Variants in IGF1 observed in about 807,000 individuals in gnomAD.
The protein encoded by IGF1 is insulin-like growth factor 1.
A neutral mutation model predicts 13.8 loss-of-function variants in IGF1; 4 were observed. The observed-to-expected ratio is 0.29, with a 90% CI of 0.14 to 0.66. The LOEUF (loss-of-function observed/expected upper bound fraction) is 0.66, where lower values mean the gene tolerates loss of function less well. Among genes scored for constraint, IGF1 ranks in the 30% least tolerant of loss-of-function variants. The probability of loss-of-function intolerance (pLI) is 0.78; values close to 1 mark genes in which losing one functional copy is unlikely to be tolerated. For synonymous variants in IGF1, 76 were observed against 72.6 expected (o/e 1.05, Z -0.23); for missense variants, 124 against 188.5 (o/e 0.66, Z 2.00).
intron 3 of IGF1, among the ~76,000 whole-genome samples, chr12:102,414,836 A>G (rs1874947640): frequency 6.6e-6 from 1 of 152,214 alleles, no homozygotes; most frequent in African/African-American, 2.4e-5. Flanking sequence ...ATTTTATTTC[A>G]GGATGATTAT....
chr12:102,452,934 G>A (rs886207371), intron 2 of IGF1, among the ~76,000 whole-genome samples: 3 of 152,032 alleles, frequency 2.0e-5, no homozygotes, highest in African/African-American at 7.2e-5. Flanking sequence ...TTAGCAACAC[G>A]TTGCACCCTG....
intron 3 of IGF1, among the ~76,000 whole-genome samples, chr12:102,412,203 T>G (rs1031700867): frequency 6.6e-6 from 1 of 152,182 alleles, no homozygotes; most frequent in Admixed American, 6.5e-5. Context: ...TAATTTTTAA[T>G]TTAGGATGAG....
chr12:102,415,572 T>TTCCA (rs1234743125), intron 3 of IGF1: 1 of 139,252 alleles, frequency 7.2e-6, no homozygotes, highest in Non-Finnish European at 1.6e-5. Flanking sequence ...CCTTCCTTCC[T>TTCCA]TCCTTCCTTC....
chr12:102,401,985 A>G lies in IGF1; in HGVS notation c.*522T>C, dbSNP rs1432452847. ...TTGCTGCTGCTTTTGAGGAGGCCAA[A>G]TTCGGCAAATATAAAGGTTATGAAG... is the stretch of plus-strand genomic sequence containing the variant. On this transcript the variant is annotated 3_prime_UTR_variant, in exon 4 of 4. Coordinates refer to ENST00000337514, the MANE Select transcript of IGF1 (RefSeq NM_000618.5). 1 of 152,692 alleles carries G rather than the reference A, an allele frequency of 6.5e-6. No homozygotes were observed. The highest frequency in any genetic ancestry group is 1.5e-5 in the Non-Finnish European group (1 of 68,092). 9.5% of individuals were successfully genotyped at this position (152,692 alleles called of 1,614,324 possible). A position where few individuals can be genotyped will look rare whatever the true frequency, so the allele number is the denominator to read the frequency against.
At chr12:102,441,957 T>TCTTCTTCTTCTTCTTCTTCTTCTTC (rs71438463) in intron 2 of IGF1, among the ~76,000 whole-genome samples, 55 of 134,656 alleles carry the variant, frequency 4.1e-4, no homozygotes, top group East Asian at 1.1e-3. Flanking sequence ...TTCTTCTTCT[T>TCTTCTTCTTCTTCTTCTTCTTCTTC]TTTTTTTTTT....
chr12:102,454,030 A>G (rs1008116041), intron 2 of IGF1, among the ~76,000 whole-genome samples: 4 of 152,172 alleles, frequency 2.6e-5, no homozygotes, highest in African/African-American at 9.7e-5. Flanking sequence ...AGATGTGCCA[A>G]CCTATCTTTC....
intron 2 of IGF1, among the ~76,000 whole-genome samples, chr12:102,441,062 C>G (rs1313506916): frequency 6.6e-6 from 1 of 152,130 alleles, no homozygotes; most frequent in Non-Finnish European, 1.5e-5. Flanking sequence ...AGGAAATCTC[C>G]AAGCCTCTTC....
At chr12:102,452,664 T>G (rs1879067038) in intron 2 of IGF1, among the ~76,000 whole-genome samples, 1 of 152,184 alleles carries the variant, frequency 6.6e-6, no homozygotes, top group South Asian at 2.1e-4. Context: ...CCTCTGAGTT[T>G]GAAGATAACT....
intron 2 of IGF1, among the ~76,000 whole-genome samples, chr12:102,437,592 T>G (rs1317425662): frequency 6.6e-6 from 1 of 152,054 alleles, no homozygotes; most frequent in Non-Finnish European, 1.5e-5. Flanking sequence ...AAGTAGAGAG[T>G]AGAATAGTGG....
At chr12:102,406,209 C>A (rs1273070499) in intron 3 of IGF1, among the ~76,000 whole-genome samples, 6 of 152,198 alleles carry the variant, frequency 3.9e-5, no homozygotes, top group Non-Finnish European at 8.8e-5. Flanking sequence ...AGTGACAAAA[C>A]AAAAGCACTC....
intron 3 of IGF1, among the ~76,000 whole-genome samples, chr12:102,406,931 A>G (rs979677385): frequency 6.6e-6 from 1 of 152,070 alleles, no homozygotes; most frequent in African/African-American, 2.4e-5. Flanking sequence ...CGTCTCTACT[A>G]AAAATACAAA....
At chr12:102,465,403 G>T (rs1482687133) in intron 2 of IGF1, among the ~76,000 whole-genome samples, 2 of 152,178 alleles carry the variant, frequency 1.3e-5, no homozygotes, top group Non-Finnish European at 2.9e-5. Flanking sequence ...AAGGCTCAAG[G>T]ACGTTAAGTG....
chr12:102,452,524 AACTTTGCAGATCTGTAAC>A (rs1333336695), intron 2 of IGF1, among the ~76,000 whole-genome samples: 36 of 152,284 alleles, frequency 2.4e-4, no homozygotes, highest in African/African-American at 8.7e-4. Context: ...TTTAGCACTG[AACTTTGCAGATCTGTAAC>A]ACTCAATCTG....
chr12:102,475,831 C>T, intron 1 of IGF1, 32 bp from the exon 2 acceptor site: 1 of 1,592,278 alleles, frequency 6.3e-7, no homozygotes, highest in South Asian at 1.1e-5. Flanking sequence ...GGTCAGGTTT[C>T]CTCCTTGATC....
At position 102,401,309 on chromosome 12, in the gene IGF1, C is replaced by T. The variant is rs1873661195; in HGVS notation, c.*1198G>A. Reference sequence around the variant, plus strand: ...GTCCATGACACAGCTGGCAGATGTTCATTTCTTCCATGAGAAAAAGAAACC... The same window carrying T: ...GTCCATGACACAGCTGGCAGATGTTTATTTCTTCCATGAGAAAAAGAAACC... On this transcript the variant is annotated 3_prime_UTR_variant, in exon 4 of 4. Transcript: ENST00000337514. 6.6e-6 allele frequency: 1 copy of T among 152,496 alleles called. No individual in the cohort carries two copies. Among genetic ancestry groups the T allele is most frequent in the African/African-American group, 2.4e-5 (1 of 41,452 alleles). 9.4% of individuals were successfully genotyped at this position (152,496 alleles called of 1,614,324 possible). A position where few individuals can be genotyped will look rare whatever the true frequency, so the allele number is the denominator to read the frequency against.
chr12:102,458,761 G>A (rs1051405680), intron 2 of IGF1, among the ~76,000 whole-genome samples: 5 of 61,136 alleles, frequency 8.2e-5, no homozygotes, highest in Admixed American at 3.7e-4. Context: ...AAAACAAAGT[G>A]CTGTAAGAGT....
chr12:102,439,444 CAG>C (rs1221281058), intron 2 of IGF1, among the ~76,000 whole-genome samples: 2 of 152,074 alleles, frequency 1.3e-5, no homozygotes, highest in Middle Eastern at 3.2e-3. Context: ...TCATTAAAAA[CAG>C]AAAGATGTTT....
intron 3 of IGF1, among the ~76,000 whole-genome samples, chr12:102,414,605 G>A (rs911600018): frequency 1.3e-5 from 2 of 151,936 alleles, no homozygotes; most frequent in Admixed American, 1.3e-4. Flanking sequence ...TGTATTTTTA[G>A]TAGAGATGGG....
At chr12:102,478,707 CA>C in intron 1 of IGF1, 1 of 1,261,576 alleles carries the variant, frequency 7.9e-7, no homozygotes, top group Non-Finnish European at 1.0e-6. Context: ...ACAAATTGCA[CA>C]GCTGGGATTT....
Sources: allele counts gnomAD v4.1 joint callset (sites outside exome capture counted in the v4.1 genomes callset), GRCh38; gene constraint gnomAD v4.1.1; transcripts MANE v1.5; gene names NCBI Gene and HGNC (gene_info 2026-07-23, HGNC 2026-07-21).